Variants in ERC1 observed in about 807,000 individuals in gnomAD.
ERC1 encodes the protein RAB6 interacting protein 2.
ERC1 carries 56 observed loss-of-function variants against 132.0 expected under a neutral mutation model. The ratio of observed to expected loss-of-function variants is 0.42; its 90% CI spans 0.34 to 0.53. The LOEUF is 0.53. Among genes scored for constraint, ERC1 ranks in the 20% least tolerant of loss-of-function variants. The probability of loss-of-function intolerance (pLI) is 0.03; values close to 1 mark genes in which losing one functional copy is unlikely to be tolerated. For missense variants in ERC1, 1,202 were observed against 1,349.9 expected (o/e 0.89, Z 1.72); for synonymous variants, 478 against 476.1 (o/e 1.00, Z -0.05).
In ERC1 at chr12:1,371,917, A is replaced by G. The variant is rs774186980; in HGVS notation, c.2865A>G (p.Gln955=). ...LELSSSKKKT[Q]EEVAALKREK... ...TTTCGTCCTCTAAGAAGAAGACCCA[A>G]GAGGAAGTGGCTGCCCTGAAGCGGG... The change falls in exon 16 of 19, where the codon CAA becomes CAG. Residue 955 remains glutamine (Q), a synonymous_variant. Transcript: ENST00000360905. The G allele has an allele frequency of 3.0e-5, 49 of 1,614,042 alleles. No homozygotes were observed. Among genetic ancestry groups the G allele is most frequent in the Non-Finnish European group, 3.9e-5 (46 of 1,180,042 alleles).
chr12:1,110,103 A>G (rs1945689216), intron 4 of ERC1, 89 bp from the exon 5 acceptor site: 3 of 1,129,810 alleles, frequency 2.7e-6, no homozygotes, highest in East Asian at 2.7e-5. Flanking sequence ...GTCTATCTTT[A>G]TTAAATGTAA....
intron 15 of ERC1, among the ~76,000 whole-genome samples, chr12:1,342,829 T>C (rs2084050529): frequency 6.6e-6 from 1 of 152,236 alleles, no homozygotes; most frequent in African/African-American, 2.4e-5. Flanking sequence ...TTCTATGCCA[T>C]GCCACTAATT....
At chr12:1,400,360 C>A (rs1215457964) in intron 16 of ERC1, among the ~76,000 whole-genome samples, 2 of 152,116 alleles carry the variant, frequency 1.3e-5, no homozygotes, top group Admixed American at 1.3e-4. Context: ...GTTCTCCCAT[C>A]CTGTCGTTCT....
chr12:1,241,340 C>G (rs2075777163), intron 13 of ERC1, among the ~76,000 whole-genome samples: 1 of 152,116 alleles, frequency 6.6e-6, no homozygotes, highest in African/African-American at 2.4e-5. Context: ...TGCTACCTAT[C>G]ATGAAAATCT....
intron 15 of ERC1, among the ~76,000 whole-genome samples, chr12:1,303,674 G>A (rs997398077): frequency 4.0e-5 from 6 of 151,142 alleles, no homozygotes; most frequent in East Asian, 2.0e-4. Flanking sequence ...TAATTCTATC[G>A]GCCAGGCGTG....
At chr12:1,107,775 A>G (rs1945419596) in intron 4 of ERC1, among the ~76,000 whole-genome samples, 1 of 152,152 alleles carries the variant, frequency 6.6e-6, no homozygotes, top group African/African-American at 2.4e-5. Context: ...CCATAAAGGG[A>G]AACAGCCTTG....
At chr12:1,460,769 G>A (rs1209685501) in intron 18 of ERC1, among the ~76,000 whole-genome samples, 2 of 151,150 alleles carry the variant, frequency 1.3e-5, no homozygotes, top group African/African-American at 4.9e-5. Flanking sequence ...AGTATAACAG[G>A]GATGTATAAT....
chr12:1,394,028 A>AC (rs1401193183), intron 16 of ERC1, among the ~76,000 whole-genome samples: 9 of 119,510 alleles, frequency 7.5e-5, no homozygotes, highest in Admixed American at 2.4e-4. Flanking sequence ...AAAAAAAAAA[A>AC]AAAAACAAAA....
chr12:1,428,660 T>C (rs917978937), intron 17 of ERC1, among the ~76,000 whole-genome samples: 4 of 152,230 alleles, frequency 2.6e-5, no homozygotes, highest in African/African-American at 9.6e-5. Context: ...TCACATTTTA[T>C]CTGAAATATT....
chr12:1,366,779 C>T (rs1428621905), intron 15 of ERC1, among the ~76,000 whole-genome samples: 2 of 152,136 alleles, frequency 1.3e-5, no homozygotes, highest in African/African-American at 2.4e-5. Context: ...TAAATGTTGT[C>T]AGCCTGTGGA....
chr12:1,361,710 A>G (rs1454018033), intron 15 of ERC1, among the ~76,000 whole-genome samples: 4 of 152,206 alleles, frequency 2.6e-5, no homozygotes, highest in African/African-American at 9.6e-5. Context: ...ACTCTGGAAC[A>G]TTGGGCCACA....
chr12:1,106,891 T>C (rs981718536), intron 4 of ERC1, among the ~76,000 whole-genome samples: 1 of 152,356 alleles, frequency 6.6e-6, no homozygotes, highest in Middle Eastern at 3.4e-3. Context: ...AGAAAGATTC[T>C]GGTGGCCCAG....
At chr12:1,119,063 G>A (rs953763762) in intron 7 of ERC1, among the ~76,000 whole-genome samples, 1 of 152,110 alleles carries the variant, frequency 6.6e-6, no homozygotes, top group Non-Finnish European at 1.5e-5. Flanking sequence ...ACTTTTTGCA[G>A]AGACAGAGTC....
intron 3 of ERC1, among the ~76,000 whole-genome samples, chr12:1,084,253 T>A (rs892857934): frequency 2.0e-5 from 3 of 152,256 alleles, no homozygotes; most frequent in Non-Finnish European, 4.4e-5. Context: ...AAAAAATTAA[T>A]AGCCATAATA....
chr12:1,216,745 A>G (rs1009382571), intron 12 of ERC1, among the ~76,000 whole-genome samples: 4 of 152,140 alleles, frequency 2.6e-5, no homozygotes, highest in Non-Finnish European at 5.9e-5. Flanking sequence ...TTACTTTTCC[A>G]GAGTCATGGG....
At chr12:1,039,054 G>A (rs114175957) in intron 2 of ERC1, among the ~76,000 whole-genome samples, 2 of 151,204 alleles carry the variant, frequency 1.3e-5, no homozygotes, top group African/African-American at 4.8e-5. Flanking sequence ...AACAAAATTA[G>A]GGCCAGGCAC....
chr12:1,200,473 G>A (rs1215716281), intron 12 of ERC1, among the ~76,000 whole-genome samples: 1 of 152,020 alleles, frequency 6.6e-6, no homozygotes, highest in African/African-American at 2.4e-5. Context: ...TCCTGTGACT[G>A]TACATTAGAG....
chr12:1,056,092 AG>A (rs1198001277), intron 2 of ERC1, among the ~76,000 whole-genome samples: 1 of 148,310 alleles, frequency 6.7e-6, no homozygotes. Flanking sequence ...TTTAAAAAAA[AG>A]GTGAATGTCA....
At chr12:1,055,987 A>G (rs931983268) in intron 2 of ERC1, among the ~76,000 whole-genome samples, 5 of 152,096 alleles carry the variant, frequency 3.3e-5, no homozygotes, top group African/African-American at 9.7e-5. Context: ...TCTCTAAAAA[A>G]TAAAATAAAA....
Sources: allele counts gnomAD v4.1 joint callset (sites outside exome capture counted in the v4.1 genomes callset), GRCh38; gene constraint gnomAD v4.1.1; transcripts MANE v1.5; gene names NCBI Gene and HGNC (gene_info 2026-07-23, HGNC 2026-07-21).